Variants in CPQ observed in about 807,000 individuals in gnomAD.
The protein encoded by CPQ is Ser-Met dipeptidase.
Under a neutral mutation model 45.7 loss-of-function variants are expected in CPQ, and 37 were observed. The observed-to-expected ratio is 0.81, with a 90% confidence interval of 0.62 to 1.07. The LOEUF is 1.07. Ranked by LOEUF, CPQ falls within the 50% of genes least tolerant of loss-of-function variation. The pLI is 0.00. For missense variants in CPQ, 537 were observed against 572.9 expected (o/e 0.94, Z 0.64); for synonymous variants, 186 against 205.8 (o/e 0.90, Z 0.82).
chr8:96,767,467 G>A (rs981314765), intron 1 of CPQ, among the ~76,000 whole-genome samples: 1 of 144,660 alleles, frequency 6.9e-6, no homozygotes, highest in African/African-American at 2.6e-5. Flanking sequence ...TTTTACTTCT[G>A]CAGTGGGCAC....
At chr8:97,139,010 T>C (rs16895256) in intron 7 of CPQ, among the ~76,000 whole-genome samples, 13,559 of 151,938 alleles carry the variant, frequency 0.089, 760 homozygotes, top group South Asian at 0.21. Flanking sequence ...AAAATTCAAC[T>C]CTAAACTATT....
chr8:97,121,627 T>C (rs1241496241), intron 7 of CPQ, among the ~76,000 whole-genome samples: 1 of 151,994 alleles, frequency 6.6e-6, no homozygotes, highest in Non-Finnish European at 1.5e-5. Context: ...CAATCAAAAA[T>C]TACTAGACAT....
At chr8:96,776,728 A>G (rs1810609329) in intron 1 of CPQ, among the ~76,000 whole-genome samples, 1 of 152,164 alleles carries the variant, frequency 6.6e-6, no homozygotes, top group South Asian at 2.1e-4. Flanking sequence ...TGACATTATA[A>G]AGAATTTTAT....
chr8:96,949,940 GT>G (rs1813236836), intron 4 of CPQ, among the ~76,000 whole-genome samples: 1 of 152,016 alleles, frequency 6.6e-6, no homozygotes, highest in Non-Finnish European at 1.5e-5. Flanking sequence ...ACATTTTTAT[GT>G]TTACTTTTTA....
intron 4 of CPQ, among the ~76,000 whole-genome samples, chr8:96,902,365 G>T (rs1812522177): frequency 6.6e-6 from 1 of 152,194 alleles, no homozygotes; most frequent in Non-Finnish European, 1.5e-5. Context: ...GTCCGATGTT[G>T]CATAGGTAGT....
chr8:97,053,835 A>G (rs541443349), intron 6 of CPQ, among the ~76,000 whole-genome samples: 4 of 152,232 alleles, frequency 2.6e-5, no homozygotes, highest in Admixed American at 6.5e-5. Context: ...AGTTTGGAAC[A>G]AGATGATAGC....
At chr8:96,648,019 A>T (rs1427039747) in intron 1 of CPQ, among the ~76,000 whole-genome samples, 2 of 152,234 alleles carry the variant, frequency 1.3e-5, no homozygotes, top group Non-Finnish European at 2.9e-5. Context: ...GACAAAGAAC[A>T]ATGCCTACAT....
At chr8:96,777,356 A>G (rs906376188) in intron 1 of CPQ, among the ~76,000 whole-genome samples, 3 of 151,990 alleles carry the variant, frequency 2.0e-5, no homozygotes, top group Non-Finnish European at 4.4e-5. Context: ...AAAATGCCCT[A>G]GAGTGCTGCA....
At position 97,066,161 on chromosome 8, in the gene CPQ, C is replaced by A; in HGVS notation, c.1206C>A (p.Ser402Arg). 1 of 1,611,184 alleles carries A rather than the reference C, an allele frequency of 6.2e-7. No individual in the cohort carries two copies. The highest frequency in any genetic ancestry group is 8.5e-7 in the Non-Finnish European group (1 of 1,179,248). The change falls in exon 7 of 8, where the codon AGC becomes AGA. Residue 402 changes from serine (S) to arginine (R), a missense_variant. Coordinates refer to ENST00000220763, the MANE Select transcript of CPQ (RefSeq NM_016134.4). ...CCCTCAATATCACTCAGGTCCTGAG[C>A]CATGGAGAAGGGACAGACATCAACT... is the stretch of plus-strand genomic sequence containing the variant. ...LQPLNITQVL[S>R]HGEGTDINFW...
intron 2 of CPQ, among the ~76,000 whole-genome samples, chr8:96,808,262 TAAAG>T (rs777554875): frequency 4.6e-5 from 7 of 152,092 alleles, no homozygotes; most frequent in Non-Finnish European, 8.8e-5. Context: ...TTTTTTGAGT[TAAAG>T]AAAGAAAAAT....
chr8:96,873,282 A>G (rs1229406530), intron 3 of CPQ, among the ~76,000 whole-genome samples: 4 of 151,540 alleles, frequency 2.6e-5, no homozygotes, highest in African/African-American at 7.3e-5. Flanking sequence ...ATTTAGTCCC[A>G]TCTCCTCTCT....
At chr8:96,922,595 C>T (rs944033359) in intron 4 of CPQ, among the ~76,000 whole-genome samples, 6 of 152,188 alleles carry the variant, frequency 3.9e-5, no homozygotes, top group Non-Finnish European at 8.8e-5. Flanking sequence ...CATTTTCCTG[C>T]TCTTCACTAC....
At chr8:96,715,225 G>A (rs979359725) in intron 1 of CPQ, among the ~76,000 whole-genome samples, 1 of 152,182 alleles carries the variant, frequency 6.6e-6, no homozygotes, top group African/African-American at 2.4e-5. Flanking sequence ...GATAGAGGAG[G>A]CTGGGGGAGC....
At chr8:96,645,780 C>T (rs1052143138) in intron 1 of CPQ, among the ~76,000 whole-genome samples, 1 of 151,464 alleles carries the variant, frequency 6.6e-6, no homozygotes, top group African/African-American at 2.4e-5. Flanking sequence ...CATCTGCAAA[C>T]AATCCTGGTC....
At chr8:96,996,226 G>C (rs1184308503) in intron 5 of CPQ, among the ~76,000 whole-genome samples, 1 of 151,942 alleles carries the variant, frequency 6.6e-6, no homozygotes, top group East Asian at 1.9e-4. Flanking sequence ...GGTCACCAAG[G>C]GTAGAGGTAA....
chr8:96,985,573 G>A (rs1336430400), intron 5 of CPQ, among the ~76,000 whole-genome samples: 1 of 152,116 alleles, frequency 6.6e-6, no homozygotes, highest in Non-Finnish European at 1.5e-5. Flanking sequence ...AGGAAAATCA[G>A]GACAATGACC....
At chr8:96,744,949 C>T (rs1329783933) in intron 1 of CPQ, among the ~76,000 whole-genome samples, 1 of 152,182 alleles carries the variant, frequency 6.6e-6, no homozygotes, top group Non-Finnish European at 1.5e-5. Flanking sequence ...TGATCCACAT[C>T]CTATTATTTT....
intron 2 of CPQ, among the ~76,000 whole-genome samples, chr8:96,798,323 A>C (rs1226276172): frequency 2.6e-5 from 4 of 151,120 alleles, no homozygotes; most frequent in Non-Finnish European, 5.9e-5. Context: ...AATAAAGATG[A>C]GGTCTTACTA....
chr8:96,957,812 A>C lies in CPQ; in HGVS notation c.850-8123A>C, dbSNP rs565317286. ...AAACTGTGTCTCAAAAAAACAAAAA[A>C]AAAAAAGTCTGTAGGGTACCAAATG... is the stretch of plus-strand genomic sequence containing the variant. On this transcript the variant is annotated intron_variant, in intron 4 of 7. Coordinates refer to ENST00000220763, the MANE Select transcript of CPQ (RefSeq NM_016134.4). Among the ~76,000 whole-genome samples the C allele has an allele frequency of 1.1e-4, 17 of 151,914 alleles. 1 individual carries two copies. In the East Asian group the frequency reaches 2.1e-3, roughly 19 times the overall value.
Sources: gnomAD v4.1 joint callset for allele counts (sites outside exome capture counted in the v4.1 genomes callset) on GRCh38, gnomAD v4.1.1 for gene constraint, MANE v1.5 for transcripts, NCBI Gene and HGNC (gene_info 2026-07-23, HGNC 2026-07-21) for gene names.